LECT2: variants seen among roughly 807,000 people sequenced by gnomAD.
LECT2 encodes the protein leukocyte cell-derived chemotaxin-2.
In LECT2, 11 loss-of-function variants were observed where a neutral mutation model predicts 16.6. The observed-to-expected ratio is 0.66, with a 90% confidence interval of 0.42 to 1.09. The LOEUF (loss-of-function observed/expected upper bound fraction) is 1.09, where lower values mean the gene tolerates loss of function less well. LECT2 is among the 50% of genes least tolerant of loss of function. The pLI, the probability that LECT2 is intolerant of heterozygous loss-of-function variation, is 0.00. For missense variants in LECT2, 173 were observed against 184.2 expected (o/e 0.94, Z 0.35); for synonymous variants, 54 against 64.8 (o/e 0.83, Z 0.80).
chr5:135,949,241 T>G (rs987825210), intron 3 of LECT2, among the ~76,000 whole-genome samples: 1 of 152,226 alleles, frequency 6.6e-6, no homozygotes, highest in African/African-American at 2.4e-5. Context: ...TACTGCAGAT[T>G]CAGTCAAAGC....
At position 135,947,335 on chromosome 5, in the gene LECT2, A is replaced by G; in HGVS notation, c.452T>C (p.Leu151Pro). 2 of 1,613,104 alleles carry G rather than the reference A, an allele frequency of 1.2e-6. No individual in the cohort carries two copies. Among genetic ancestry groups the G allele is most frequent in the South Asian group, 1.1e-5 (1 of 90,906 alleles). Residue 151 changes from leucine to proline, a missense_variant, in exon 4 of 4, where the codon CTG (leucine) becomes CCG (proline). Transcript: ENST00000274507. ...NCDSSDPTAY[L>P] ...ATCTGACCATTGGCCTTCGATTTAC[A>G]GGTATGCAGTAGGGTCACTCGAGTC... is the stretch of plus-strand genomic sequence containing the variant.
In LECT2 at chr5:135,951,267, T is replaced by C. The variant is rs756235413; in HGVS notation, c.245A>G (p.Gln82Arg). The part of the protein sequence containing the change: ...GMIVGQEKPY[Q>R]NKNAINNGVR... ...ACCATTATTGATAGCATTCTTGTTT[T>C]GATAAGGTTTCTCCTGGCCCACAAT... is the stretch of plus-strand genomic sequence containing the variant. Residue 82 changes from glutamine (Q) to arginine (R), a missense_variant, in exon 3 of 4, where the codon CAA (glutamine) becomes CGA (arginine). Coordinates refer to ENST00000274507, the MANE Select transcript of LECT2 (RefSeq NM_002302.3). 3.7e-6 allele frequency: 6 copies of C among 1,614,228 alleles called. No individual in the cohort carries two copies. The highest frequency in any genetic ancestry group is 5.1e-6 in the Non-Finnish European group (6 of 1,180,024).
At chr5:135,951,612 C>T (rs1370430841) in intron 2 of LECT2, 1 of 399,808 alleles carries the variant, frequency 2.5e-6, no homozygotes, top group African/African-American at 2.0e-5. Flanking sequence ...CATAATAAGC[C>T]TTAAGCAAAT....
chr5:135,951,878 G>T (rs140170920), intron 2 of LECT2, among the ~76,000 whole-genome samples: 109 of 152,280 alleles, frequency 7.2e-4, no homozygotes, highest in Non-Finnish European at 4.6e-4. Context: ...TTATTAAAGT[G>T]CATGGAGCCC....
chr5:135,953,483 A>G lies in LECT2; in HGVS notation c.47-516T>C, dbSNP rs549830733. 3.9e-5 allele frequency among the ~76,000 whole-genome samples: 6 copies of G among 152,334 alleles called. No homozygotes were observed. The East Asian group carries it at 1.2e-3, about 29-fold the overall frequency. ...CCAAAGTGCAGGGATTACAGGCGTG[A>G]GCCACTGCGCCCAGCTGAATGTGTT... is the stretch of plus-strand genomic sequence containing the variant. On this transcript the variant is annotated intron_variant, in intron 1 of 3. Transcript: ENST00000274507.
Position 135,952,966 on chromosome 5 carries a change from T to G in LECT2, c.48A>C (p.Ala16=). 6.2e-7 allele frequency: 1 copy of G among 1,611,490 alleles called. No individual in the cohort carries two copies. The highest frequency in any genetic ancestry group is 1.1e-5 in the South Asian group (1 of 91,016). The change falls in exon 2 of 4, where the codon GCA becomes GCC. Residue 16 remains alanine, a splice_region_variant and synonymous_variant. Coordinates refer to ENST00000274507, the MANE Select transcript of LECT2 (RefSeq NM_002302.3). ...ATATATTAGCCCATGGCCCTGCCAG[T>G]GCTAAAAAGGAGAAAAGTGAGAGCA... ...ALLLAGLIST[A]LAGPWANICA... is the part of the protein sequence containing the mutation.
intron 3 of LECT2, among the ~76,000 whole-genome samples, chr5:135,948,668 TA>T (rs753708807): frequency 6.7e-6 from 1 of 148,558 alleles, no homozygotes; most frequent in African/African-American, 2.5e-5. Context: ...ATAATAATAA[TA>T]ATAATTATTA....
chr5:135,949,804 A>G (rs138791638), intron 3 of LECT2, among the ~76,000 whole-genome samples: 1 of 152,308 alleles, frequency 6.6e-6, no homozygotes, highest in East Asian at 1.9e-4. Context: ...TGTTCATCAG[A>G]CCTGGAGCAT....
chr5:135,954,230 G>T (rs1296502363), intron 1 of LECT2, among the ~76,000 whole-genome samples: 1 of 152,180 alleles, frequency 6.6e-6, no homozygotes. Flanking sequence ...ACTTTTAAAA[G>T]GTGGGTTTCA....
chr5:135,951,529 A>G (rs1352648381), intron 2 of LECT2, 161 bp from the exon 3 acceptor site: 5 of 565,594 alleles, frequency 8.8e-6, no homozygotes, highest in African/African-American at 5.6e-5. Flanking sequence ...GTTTAGCCCA[A>G]TTTTAACCTC....
chr5:135,952,049 T>G (rs527700521), intron 2 of LECT2, among the ~76,000 whole-genome samples: 1 of 152,332 alleles, frequency 6.6e-6, no homozygotes, highest in South Asian at 2.1e-4. Flanking sequence ...GCTGCAATTA[T>G]GTACAAAGCA....
At chr5:135,953,107 T>C (rs1035352098) in intron 1 of LECT2, 140 bp from the exon 2 acceptor site, 4 of 578,898 alleles carry the variant, frequency 6.9e-6, no homozygotes, top group Non-Finnish European at 1.2e-5. Context: ...TATGGGAAGA[T>C]CGTCCTTCCA....
Position 135,952,870 on chromosome 5 carries a change from C to T in LECT2, c.143+1G>A. 1 of 1,610,210 alleles carries T rather than the reference C, an allele frequency of 6.2e-7. No homozygotes were observed. Among genetic ancestry groups the T allele is most frequent in the Non-Finnish European group, 8.5e-7 (1 of 1,176,446 alleles). Reference sequence around the variant, plus strand: ...GGGTGGGTGGTTGTGCAACTTCATACCTTTGAGCAGAGTACTGTCCACAGC... The same window carrying T: ...GGGTGGGTGGTTGTGCAACTTCATATCTTTGAGCAGAGTACTGTCCACAGC... On this transcript the variant is annotated splice_donor_variant, in intron 2 of 3. Coordinates refer to ENST00000274507, the MANE Select transcript of LECT2 (RefSeq NM_002302.3). LOFTEE classifies it high-confidence loss of function.
At position 135,954,953 on chromosome 5, in the gene LECT2, C is replaced by A; in HGVS notation, c.-120G>T. The A allele has an allele frequency of 1.3e-6, 1 of 742,216 alleles. No individual in the cohort carries two copies. Among genetic ancestry groups the A allele is most frequent in the Non-Finnish European group, 2.3e-6 (1 of 434,466 alleles). 46.0% of individuals were successfully genotyped at this position (742,216 alleles called of 1,614,324 possible). A position where few individuals can be genotyped will look rare whatever the true frequency, so the allele number is the denominator to read the frequency against. On this transcript the variant is annotated 5_prime_UTR_variant, in exon 1 of 4. An upstream start codon of the reference 5' UTR is lost. Coordinates refer to ENST00000274507, the MANE Select transcript of LECT2 (RefSeq NM_002302.3). ...TTTAGCCTTAGAATTCTGCATCTCT[C>A]ATTTCTTTAGTGTGAGACACAAAAA...
chr5:135,951,215 T>C lies in LECT2; in HGVS notation c.289+8A>G, dbSNP rs1283393868. 2 of 1,613,740 alleles carry C rather than the reference T, an allele frequency of 1.2e-6. No homozygotes were observed. Among genetic ancestry groups the C allele is most frequent in the African/African-American group, 2.7e-5 (2 of 74,866 alleles). On this transcript the variant is annotated splice_region_variant and intron_variant, in intron 3 of 3. Transcript: ENST00000274507. ...AGGCACCCCAGGTGTAGACTCCACC[T>C]CTCTTACCTCTTCCAGATATTCGAA...
At chr5:135,948,148 C>G (rs1763729216) in intron 3 of LECT2, among the ~76,000 whole-genome samples, 1 of 152,220 alleles carries the variant, frequency 6.6e-6, no homozygotes, top group South Asian at 2.1e-4. Context: ...GGCTATTGTC[C>G]TGTTACCAGA....
chr5:135,948,930 C>T (rs1763745632), intron 3 of LECT2, among the ~76,000 whole-genome samples: 1 of 152,150 alleles, frequency 6.6e-6, no homozygotes, highest in South Asian at 2.1e-4. Flanking sequence ...CCACCTCGGC[C>T]TCCCAAAGTG....
At chr5:135,947,754 G>T (rs1580671937) in intron 3 of LECT2, among the ~76,000 whole-genome samples, 1 of 152,104 alleles carries the variant, frequency 6.6e-6, no homozygotes, top group Non-Finnish European at 1.5e-5. Flanking sequence ...GAAAAGGTGA[G>T]CCCTGAACAA....
rs1763793161 is a variant in LECT2, at chr5:135,951,308, T to C, written c.204A>G (p.Ala68=). 1 of 1,613,840 alleles carries C rather than the reference T, an allele frequency of 6.2e-7. No homozygotes were observed. The change falls in exon 3 of 4, where the codon GCA becomes GCG. Residue 68 remains alanine, a synonymous_variant. Transcript: ENST00000274507. ...GGCCCACAATCATTCCAGTGAATGG[T>C]GCGTACACAGTAGATCCAGCAGAGC... is the stretch of plus-strand genomic sequence containing the variant. ...ILCSAGSTVY[A]PFTGMIVGQE...
Sources: allele counts gnomAD v4.1 joint callset (sites outside exome capture counted in the v4.1 genomes callset), GRCh38; gene constraint gnomAD v4.1.1; transcripts MANE v1.5; gene names NCBI Gene and HGNC (gene_info 2026-07-23, HGNC 2026-07-21).